SYTL2: variants seen among roughly 807,000 people sequenced by gnomAD.
SYTL2 encodes the protein synaptotagmin like 2.
SYTL2 carries 165 observed loss-of-function variants against 198.7 expected under a neutral mutation model. The observed-to-expected ratio is 0.83, with a 90% CI of 0.73 to 0.94. The LOEUF is 0.94. Among genes scored for constraint, SYTL2 ranks in the 40% least tolerant of loss-of-function variants. SYTL2 has a pLI of 0.00. For missense variants in SYTL2, 2,835 were observed against 2,582.8 expected (o/e 1.10, Z -2.12); for synonymous variants, 966 against 917.7 (o/e 1.05, Z -0.95).
intron 6 of SYTL2, among the ~76,000 whole-genome samples, chr11:85,735,842 G>A (rs142335334): frequency 0.021 from 3,193 of 151,902 alleles, 64 homozygotes; most frequent in Admixed American, 0.038. Context: ...AATCTAAAAC[G>A]TGCCCAGTGG....
the SYTL2 span, among the ~76,000 whole-genome samples, chr11:85,842,644 T>A: frequency 6.6e-6 from 1 of 152,220 alleles, no homozygotes; most frequent in Non-Finnish European, 1.5e-5. Flanking sequence ...GGAACCCAAC[T>A]GGAGCATATA....
the SYTL2 span, among the ~76,000 whole-genome samples, chr11:85,821,828 A>G: frequency 6.6e-6 from 1 of 152,200 alleles, no homozygotes; most frequent in Non-Finnish European, 1.5e-5. Context: ...TGAATGAGCC[A>G]ACATCCAACC....
intron 1 of SYTL2, among the ~76,000 whole-genome samples, chr11:85,789,093 C>T (rs890273563): frequency 5.3e-5 from 8 of 150,864 alleles, no homozygotes; most frequent in Non-Finnish European, 1.0e-4. Context: ...AGAAAAATTA[C>T]ACATTTTATT....
Position 85,717,528 on chromosome 11 carries a change from C to T in SYTL2, c.5485G>A (p.Glu1829Lys), listed in dbSNP as rs1203426509. The T allele has an allele frequency of 6.2e-7, 1 of 1,612,462 alleles. No individual in the cohort carries two copies. The highest frequency in any genetic ancestry group is 1.1e-5 in the South Asian group (1 of 91,024). Residue 1829 changes from glutamate (E) to lysine (K), a missense_variant and splice_region_variant, in exon 11 of 20, where the codon GAG becomes AAG. This residue lies in a region of SYTL2 where 2,645 missense variants were observed against 2,381.7 expected (regional missense o/e 1.11). Transcript: ENST00000359152. ...GTAACTGGCTTCTGATCTGGTTTCTCATCTACTCAGGAGGGCAACATTGAG... is the reference window on the plus strand; with the variant it reads ...GTAACTGGCTTCTGATCTGGTTTCTTATCTACTCAGGAGGGCAACATTGAG... ...EELVRSAEDDEKPDQKPVTNE... is the reference protein window; with the variant it reads ...EELVRSAEDDKKPDQKPVTNE...
chr11:85,728,347 C>A (rs1027242792), intron 7 of SYTL2, among the ~76,000 whole-genome samples: 1 of 152,046 alleles, frequency 6.6e-6, no homozygotes, highest in African/African-American at 2.4e-5. Flanking sequence ...AGTGCAGTGG[C>A]GGGATCTCGG....
intron 9 of SYTL2, among the ~76,000 whole-genome samples, chr11:85,719,684 G>A (rs563459704): frequency 1.3e-5 from 2 of 152,168 alleles, no homozygotes; most frequent in East Asian, 1.9e-4. Context: ...AGGTTAAAAT[G>A]GGTGATTTTT....
chr11:85,845,035 C>T, the SYTL2 span, among the ~76,000 whole-genome samples: 1 of 152,152 alleles, frequency 6.6e-6, no homozygotes, highest in East Asian at 1.9e-4. Flanking sequence ...TGCCCTCTGT[C>T]CCAGGCCCTC....
At chr11:85,822,200 T>A in the SYTL2 span, among the ~76,000 whole-genome samples, 8 of 152,170 alleles carry the variant, frequency 5.3e-5, no homozygotes, top group African/African-American at 1.7e-4. Context: ...TTGCAGCCAG[T>A]TTTCTCTGTG....
At chr11:85,778,113 C>T (rs920059127) in intron 1 of SYTL2, among the ~76,000 whole-genome samples, 2 of 152,110 alleles carry the variant, frequency 1.3e-5, no homozygotes, top group African/African-American at 4.8e-5. Context: ...ACCATCATGC[C>T]CGGCCGGTCT....
intron 1 of SYTL2, among the ~76,000 whole-genome samples, chr11:85,792,784 A>G (rs1393172664): frequency 7.1e-6 from 1 of 141,702 alleles, no homozygotes; most frequent in South Asian, 2.4e-4. Flanking sequence ...CCCGCTCCCC[A>G]CACCCCACAA....
Position 85,724,154 on chromosome 11 carries a change from T to A in SYTL2, c.5204A>T (p.Glu1735Val). Residue 1735 changes from glutamate (E) to valine (V), a missense_variant, in exon 8 of 20, where the codon GAA (glutamate) becomes GTA (valine). Transcript: ENST00000359152. ...KENSTKTSKV[E>V]LTLASPYMKQ... is the part of the protein sequence containing the mutation. ...CATATATGGCGATGCTAGAGTCAATTCAACTTTACTTGTTTTTGTAGAGTT... is the reference window on the plus strand; with the variant it reads ...CATATATGGCGATGCTAGAGTCAATACAACTTTACTTGTTTTTGTAGAGTT... 1 of 1,604,034 alleles carries A rather than the reference T, an allele frequency of 6.2e-7. No homozygotes were observed. Among genetic ancestry groups the A allele is most frequent in the Non-Finnish European group, 8.5e-7 (1 of 1,177,716 alleles).
the SYTL2 span, among the ~76,000 whole-genome samples, chr11:85,831,435 T>A: frequency 1.3e-5 from 2 of 152,084 alleles, no homozygotes; most frequent in Non-Finnish European, 2.9e-5. Context: ...GAAAAACCCA[T>A]CTGAAAAACA....
the SYTL2 span, among the ~76,000 whole-genome samples, chr11:85,825,076 G>T: frequency 6.6e-5 from 10 of 152,242 alleles, no homozygotes; most frequent in African/African-American, 1.4e-4. Flanking sequence ...TGTTCACTAC[G>T]CCTAATACAT....
chr11:85,744,729 T>A (rs1188063842), intron 4 of SYTL2, among the ~76,000 whole-genome samples: 1 of 152,176 alleles, frequency 6.6e-6, no homozygotes, highest in Non-Finnish European at 1.5e-5. Flanking sequence ...TTCATCAACT[T>A]CATCCCAATT....
At chr11:85,733,338 C>G (rs1212073945) in intron 7 of SYTL2, among the ~76,000 whole-genome samples, 1 of 152,148 alleles carries the variant, frequency 6.6e-6, no homozygotes, top group Non-Finnish European at 1.5e-5. Flanking sequence ...CTTGATTTAA[C>G]TAAAAACATT....
In SYTL2 at chr11:85,791,193, A is replaced by AAC. The variant is rs1404965835; in HGVS notation, c.-390+19760_-390+19761insGT. 1.1e-3 allele frequency among the ~76,000 whole-genome samples: 171 copies of AAC among 150,216 alleles called. 1 individual carries two copies. Among genetic ancestry groups the AAC allele is most frequent in the African/African-American group, 4.1e-3 (165 of 40,542 alleles). ...AAAAAAAAAAAAAAAAAAAAAAAAA[A>AAC]AACAACCTTAGTAAATATTCTGGCT... is the stretch of plus-strand genomic sequence containing the variant. On this transcript the variant is annotated intron_variant, in intron 1 of 19. Coordinates refer to ENST00000359152, the MANE Select transcript of SYTL2 (RefSeq NM_206927.4).
chr11:85,832,106 T>C, the SYTL2 span, among the ~76,000 whole-genome samples: 2 of 152,200 alleles, frequency 1.3e-5, no homozygotes, highest in Admixed American at 1.3e-4. Context: ...ATTGCATATG[T>C]GCAAAAAACT....
chr11:85,701,504 C>T (rs1174788060), intron 16 of SYTL2, among the ~76,000 whole-genome samples: 1 of 152,152 alleles, frequency 6.6e-6, no homozygotes, highest in Non-Finnish European at 1.5e-5. Flanking sequence ...TTTTTACTTT[C>T]AAATTCTGGC....
At chr11:85,804,372 CA>C (rs1317818832) in intron 1 of SYTL2, among the ~76,000 whole-genome samples, 1 of 152,170 alleles carries the variant, frequency 6.6e-6, no homozygotes, top group Non-Finnish European at 1.5e-5. Context: ...AGATAGCGTA[CA>C]ATTATATCAG....
Sources: allele counts gnomAD v4.1 joint callset (sites outside exome capture counted in the v4.1 genomes callset), GRCh38; gene constraint gnomAD v4.1.1; regional missense constraint gnomAD v4.1.1; transcripts MANE v1.5; gene names NCBI Gene and HGNC (gene_info 2026-07-23, HGNC 2026-07-21).